The following ALOX5AP variants were observed in gnomAD, a reference collection of about 807,000 sequenced individuals.
The protein encoded by ALOX5AP is arachidonate 5-lipoxygenase activating protein, also known as arachidonate 5-lipoxygenase-activating protein.
A neutral mutation model predicts 18.5 loss-of-function variants in ALOX5AP; 9 were observed. The observed-to-expected ratio is 0.49, with a 90% CI of 0.29 to 0.85. The LOEUF is 0.85. Among genes scored for constraint, ALOX5AP ranks in the 40% least tolerant of loss-of-function variants. ALOX5AP has a pLI of 0.08. For missense variants in ALOX5AP, 172 were observed against 202.5 expected, an observed-to-expected ratio of 0.85 and a Z score of 0.91; for synonymous variants, 81 against 78.6, an observed-to-expected ratio of 1.03 and a Z score of -0.16.
At chr13:30,742,752 A>T (rs1342220022) in intron 1 of ALOX5AP, among the ~76,000 whole-genome samples, 1 of 152,128 alleles carries the variant, frequency 6.6e-6, no homozygotes, top group Non-Finnish European at 1.5e-5. Flanking sequence ...GATGAAAAGG[A>T]ACCCTGTGGT....
At chr13:30,730,505 T>G (rs1426574089) in intron 1 of ALOX5AP, among the ~76,000 whole-genome samples, 1 of 152,218 alleles carries the variant, frequency 6.6e-6, no homozygotes, top group Admixed American at 6.5e-5. Context: ...AATTCCAGCC[T>G]GTAGACCTGG....
chr13:30,733,364 G>A (rs1043074822), upstream of ALOX5AP, among the ~76,000 whole-genome samples: 1 of 152,166 alleles, frequency 6.6e-6, no homozygotes, highest in Non-Finnish European at 1.5e-5. Flanking sequence ...AAGAGGACTG[G>A]CCTTCATTTC....
chr13:30,751,994 A>G (rs2137822836), intron 2 of ALOX5AP, 58 bp from the exon 3 acceptor site: 2 of 1,499,150 alleles, frequency 1.3e-6, no homozygotes, highest in East Asian at 2.3e-5. Context: ...TAATTTTCAG[A>G]CCACATTGCA....
chr13:30,751,896 G>A (rs1951854975), intron 2 of ALOX5AP, among the ~76,000 whole-genome samples, 156 bp from the exon 3 acceptor site: 1 of 152,236 alleles, frequency 6.6e-6, no homozygotes, highest in Non-Finnish European at 1.5e-5. Flanking sequence ...GCAGCTGGCT[G>A]CCCCATCTTA....
intron 1 of ALOX5AP, among the ~76,000 whole-genome samples, chr13:30,738,419 G>A (rs907282272): frequency 1.3e-5 from 2 of 152,204 alleles, no homozygotes; most frequent in Non-Finnish European, 2.9e-5. Context: ...TATAGCAAAT[G>A]GGCTCATTGG....
exon 1 of ALOX5AP, chr13:30,713,498 G>A (rs1951525498): frequency 3.9e-6 from 2 of 510,356 alleles, no homozygotes; most frequent in Admixed American, 6.7e-5. Flanking sequence ...TGGGCATTTG[G>A]AGGTGAAGGG....
chr13:30,736,340 C>G (rs1015337911), intron 1 of ALOX5AP, among the ~76,000 whole-genome samples: 4 of 151,860 alleles, frequency 2.6e-5, no homozygotes, highest in African/African-American at 7.3e-5. Context: ...ATTATTCCTG[C>G]TATTAGTTAA....
At chr13:30,731,224 T>G (rs1951678306), upstream of ALOX5AP, among the ~76,000 whole-genome samples, 1 of 152,142 alleles carries the variant, frequency 6.6e-6, no homozygotes, top group African/African-American at 2.4e-5. Context: ...GATTGCCAGG[T>G]ACAAATGCAG....
intron 1 of ALOX5AP, among the ~76,000 whole-genome samples, chr13:30,724,123 A>G (rs1164073755): frequency 2.0e-5 from 3 of 152,066 alleles, no homozygotes; most frequent in African/African-American, 7.2e-5. Context: ...CCAGGCAACC[A>G]CCAATCTGCT....
intron 2 of ALOX5AP, among the ~76,000 whole-genome samples, chr13:30,751,520 T>C (rs1653747854): frequency 6.6e-6 from 1 of 152,226 alleles, no homozygotes; most frequent in South Asian, 2.1e-4. Context: ...CATACAGTGA[T>C]CACCCTCTTA....
chr13:30,717,084 G>A (rs983530879), intron 1 of ALOX5AP, among the ~76,000 whole-genome samples: 12 of 152,066 alleles, frequency 7.9e-5, no homozygotes, highest in African/African-American at 2.2e-4. Flanking sequence ...ACTCTCCACC[G>A]CTACACATCA....
chr13:30,761,229 A>G (rs560110617), intron 4 of ALOX5AP, among the ~76,000 whole-genome samples: 19 of 152,308 alleles, frequency 1.2e-4, no homozygotes, highest in Admixed American at 5.9e-4. Context: ...GCCTGGGAAG[A>G]GTTAAAGCAC....
intron 1 of ALOX5AP, among the ~76,000 whole-genome samples, chr13:30,738,833 C>G (rs551248609): frequency 2.0e-5 from 3 of 152,104 alleles, no homozygotes; most frequent in African/African-American, 4.8e-5. Context: ...AGAGAGGCAG[C>G]CTCCTCCAAG....
At chr13:30,729,650 C>A (rs1295037777) in intron 1 of ALOX5AP, among the ~76,000 whole-genome samples, 3 of 151,474 alleles carry the variant, frequency 2.0e-5, no homozygotes, top group Non-Finnish European at 2.9e-5. Flanking sequence ...GATCCCAGCT[C>A]ACTGCAATCT....
intron 4 of ALOX5AP, among the ~76,000 whole-genome samples, chr13:30,760,334 A>C (rs1028814378): frequency 6.6e-6 from 1 of 152,048 alleles, no homozygotes; most frequent in African/African-American, 2.4e-5. Flanking sequence ...GAACTCAAGC[A>C]ATCTGCCAGC....
upstream of ALOX5AP, among the ~76,000 whole-genome samples, chr13:30,734,665 G>A (rs1242986645): frequency 1.3e-5 from 2 of 152,224 alleles, no homozygotes; most frequent in African/African-American, 2.4e-5. Context: ...CCAGGAAGGT[G>A]TTTCTGCGAT....
chr13:30,763,543 A>G (rs760823547), intron 4 of ALOX5AP, among the ~76,000 whole-genome samples: 13 of 152,156 alleles, frequency 8.5e-5, no homozygotes, highest in Non-Finnish European at 1.8e-4. Context: ...CCTGCATTAC[A>G]CACGTGTCTG....
intron 4 of ALOX5AP, among the ~76,000 whole-genome samples, chr13:30,758,418 T>A (rs1951914027): frequency 6.6e-6 from 1 of 152,212 alleles, no homozygotes; most frequent in Admixed American, 6.5e-5. Context: ...CTAGATGAGA[T>A]CCTTCCCCCG....
At chr13:30,713,679 A>G in exon 1 of ALOX5AP, 2 of 1,306,258 alleles carry the variant, frequency 1.5e-6, no homozygotes, top group Non-Finnish European at 2.1e-6. Context: ...AACTCTGTAG[A>G]ACTGACTTCA....
Sources: allele counts gnomAD v4.1 joint callset (sites outside exome capture counted in the v4.1 genomes callset), GRCh38; gene constraint gnomAD v4.1.1; transcripts MANE v1.5; gene names NCBI Gene and HGNC (gene_info 2026-07-23, HGNC 2026-07-21).